Variants in CORO1C observed in about 807,000 individuals in gnomAD.
The protein encoded by CORO1C is coronin-1C.
Under a neutral mutation model 51.2 loss-of-function variants are expected in CORO1C, and 14 were observed. The ratio of observed to expected loss-of-function variants is 0.27; its 90% CI spans 0.18 to 0.43. The LOEUF (loss-of-function observed/expected upper bound fraction) is 0.43, where lower values mean the gene tolerates loss of function less well. Ranked by LOEUF, CORO1C falls within the 20% of genes least tolerant of loss-of-function variation. CORO1C has a pLI of 1.00. For missense variants in CORO1C, 417 were observed against 607.8 expected (o/e 0.69, Z 3.30); for synonymous variants, 181 against 210.5 (o/e 0.86, Z 1.21).
chr12:108,668,151 T>C (rs1230154604), intron 3 of CORO1C, among the ~76,000 whole-genome samples: 1 of 152,166 alleles, frequency 6.6e-6, no homozygotes, highest in Non-Finnish European at 1.5e-5. Context: ...AGGAGAAAGC[T>C]TAAAGATGTG....
chr12:108,720,443 T>C (rs1458174457), intron 1 of CORO1C, among the ~76,000 whole-genome samples: 1 of 152,238 alleles, frequency 6.6e-6, no homozygotes, highest in Non-Finnish European at 1.5e-5. Flanking sequence ...TCTGTGTGTG[T>C]AAATTTACAC....
At chr12:108,699,551 G>T (rs986111757) in intron 2 of CORO1C, among the ~76,000 whole-genome samples, 1 of 152,136 alleles carries the variant, frequency 6.6e-6, no homozygotes, top group African/African-American at 2.4e-5. Context: ...ACAAGCTATG[G>T]CTGTCTTCTC....
chr12:108,712,497 C>T (rs1426003740), intron 1 of CORO1C, among the ~76,000 whole-genome samples: 1 of 150,054 alleles, frequency 6.7e-6, no homozygotes, highest in African/African-American at 2.5e-5. Context: ...TTGCTTGAAC[C>T]CAGGAGGTGG....
chr12:108,681,798 A>C (rs1481268451), intron 2 of CORO1C, among the ~76,000 whole-genome samples: 1 of 152,202 alleles, frequency 6.6e-6, no homozygotes, highest in Non-Finnish European at 1.5e-5. Context: ...GTAGAAAGGT[A>C]TAGCAAAACA....
intron 3 of CORO1C, among the ~76,000 whole-genome samples, chr12:108,669,693 C>T (rs371955135): frequency 1.3e-4 from 1 of 7,868 alleles, no homozygotes; most frequent in Non-Finnish European, 2.3e-4. Context: ...AAAAAAAAGG[C>T]GGGGGGTGGC....
chr12:108,706,589 T>C (rs1039626245), intron 1 of CORO1C, among the ~76,000 whole-genome samples: 2 of 152,320 alleles, frequency 1.3e-5, no homozygotes, highest in Non-Finnish European at 2.9e-5. Flanking sequence ...ACAAGATTAA[T>C]ATATAAAAAT....
Position 108,662,096 on chromosome 12 carries a change from T to G in CORO1C, c.381A>C (p.Glu127Asp). The G allele has an allele frequency of 6.2e-7, 1 of 1,614,062 alleles. No homozygotes were observed. Among genetic ancestry groups the G allele is most frequent in the African/African-American group, 1.3e-5 (1 of 75,046 alleles). Residue 127 changes from glutamate to aspartate, a missense_variant, in exon 4 of 11, where the codon GAA (glutamate) becomes GAC (aspartate). Glu to Asp is a conservative substitution (Grantham distance 45). Transcript: ENST00000261401. The stretch of plus-strand genomic sequence containing the variant: ...CGATGCCGACTCTCTTTGAGTGGCC[T>G]TCCAAAATCACCACAGGTTCAGTCA... ...LSLTEPVVIL[E>D]GHSKRVGIVA...
intron 1 of CORO1C, chr12:108,730,472 G>C (rs71454747): frequency 6.6e-6 from 1 of 152,486 alleles, no homozygotes; most frequent in East Asian, 1.9e-4. Flanking sequence ...AGCGTGCGCC[G>C]GTGGGGACAG....
chr12:108,663,432 T>C (rs1185083988), intron 3 of CORO1C, among the ~76,000 whole-genome samples: 1 of 152,214 alleles, frequency 6.6e-6, no homozygotes, highest in Non-Finnish European at 1.5e-5. Context: ...ACAACCCAAA[T>C]ATCCATCTAT....
intron 2 of CORO1C, among the ~76,000 whole-genome samples, chr12:108,687,703 T>G (rs893257826): frequency 2.0e-5 from 3 of 151,684 alleles, no homozygotes; most frequent in Admixed American, 6.6e-5. Flanking sequence ...GAGAATCGCT[T>G]GAACCTGGGA....
intron 1 of CORO1C, among the ~76,000 whole-genome samples, chr12:108,716,402 T>C (rs2035338663): frequency 6.6e-6 from 1 of 152,152 alleles, no homozygotes; most frequent in Non-Finnish European, 1.5e-5. Flanking sequence ...AATAACTTCA[T>C]AAGGCTAGTC....
Position 108,689,878 on chromosome 12 carries a change from A to G in CORO1C, c.195+11246T>C, listed in dbSNP as rs148236548. On this transcript the variant is annotated intron_variant, in intron 2 of 10. Transcript: ENST00000261401. ...CTTCAACTCAGCAAGGAGAATGTTA[A>G]GTCACACATGTGCTCAGAAGTAGAG... is the stretch of plus-strand genomic sequence containing the variant. Among the ~76,000 whole-genome samples the G allele has an allele frequency of 1.9e-3, 288 of 152,330 alleles. 1 individual carries two copies. Among genetic ancestry groups the G allele is most frequent in the African/African-American group, 6.8e-3 (284 of 41,560 alleles).
At chr12:108,711,359 G>C (rs1359139158) in intron 1 of CORO1C, among the ~76,000 whole-genome samples, 1 of 151,870 alleles carries the variant, frequency 6.6e-6, no homozygotes, top group East Asian at 1.9e-4. Flanking sequence ...ATCAGAGCAA[G>C]ACCATGTCTC....
rs770920855 is a variant in CORO1C at position 108,676,771 on chromosome 12, CA to C, written c.318+1500del. Among the ~76,000 whole-genome samples the C allele has an allele frequency of 9.3e-3, 1,126 of 120,590 alleles. 4 individuals are homozygous for C. The highest frequency in any genetic ancestry group is 0.029 in the African/African-American group (868 of 29,806). The allele number at this position is 120,590 out of a possible 152,430, so 79.1% of individuals were successfully genotyped here. ...TGGGTGACAAAGTGAGACTCCATCC[CA>C]AAAAAAAAAAAAAAAATTCTGGCAT... is the stretch of plus-strand genomic sequence containing the variant. On this transcript the variant is annotated intron_variant, in intron 3 of 10. Transcript: ENST00000261401.
intron 4 of CORO1C, among the ~76,000 whole-genome samples, chr12:108,661,396 A>G (rs2033254642): frequency 1.3e-5 from 2 of 152,230 alleles, no homozygotes; most frequent in Admixed American, 6.5e-5. Context: ...CAAGTGCAGA[A>G]AGCAGCCCAT....
chr12:108,659,515 G>A (rs146207533), intron 4 of CORO1C, among the ~76,000 whole-genome samples: 5 of 152,284 alleles, frequency 3.3e-5, no homozygotes, highest in East Asian at 3.9e-4. Flanking sequence ...GTTTCTTTCC[G>A]AAAGATATTT....
At chr12:108,712,366 G>A (rs2035206161) in intron 1 of CORO1C, among the ~76,000 whole-genome samples, 1 of 152,016 alleles carries the variant, frequency 6.6e-6, no homozygotes, top group South Asian at 2.1e-4. Flanking sequence ...CCGAACTCAG[G>A]AATTCGAGAC....
intron 1 of CORO1C, chr12:108,702,984 C>T (rs374294256): frequency 1.5e-5 from 22 of 1,491,624 alleles, no homozygotes; most frequent in Non-Finnish European, 1.8e-5. Flanking sequence ...GCAAATGATT[C>T]GTGGCCAGGG....
intron 2 of CORO1C, among the ~76,000 whole-genome samples, chr12:108,694,384 G>A (rs988715171): frequency 6.7e-6 from 1 of 149,608 alleles, no homozygotes; most frequent in African/African-American, 2.5e-5. Context: ...TTTTTCTAAA[G>A]TACTGTGTTA....
Sources: gnomAD v4.1 joint callset for allele counts (sites outside exome capture counted in the v4.1 genomes callset) on GRCh38, gnomAD v4.1.1 for gene constraint, MANE v1.5 for transcripts, NCBI Gene and HGNC (gene_info 2026-07-23, HGNC 2026-07-21) for gene names.